Variants in ERI3 observed in about 807,000 individuals in gnomAD.
ERI3 encodes the protein ERI1 exoribonuclease 3.
Under a neutral mutation model 44.4 loss-of-function variants are expected in ERI3, and 18 were observed. That is an observed-to-expected ratio of 0.41 (90% CI 0.28 to 0.60). The LOEUF is 0.60. Ranked by LOEUF, ERI3 falls within the 20% of genes least tolerant of loss-of-function variation. The probability of loss-of-function intolerance (pLI) is 0.36; values close to 1 mark genes in which losing one functional copy is unlikely to be tolerated. For synonymous variants in ERI3, 183 were observed against 164.8 expected (o/e 1.11, Z -0.84); for missense variants, 294 against 435.5 (o/e 0.68, Z 2.89).
intron 5 of ERI3, among the ~76,000 whole-genome samples, chr1:44,310,292 G>C (rs956693731): frequency 2.0e-5 from 3 of 152,216 alleles, no homozygotes; most frequent in African/African-American, 7.2e-5. Context: ...GTGGAACATA[G>C]TAGAGGATAC....
At chr1:44,255,691 TCTC>T (rs1186991891) in intron 7 of ERI3, among the ~76,000 whole-genome samples, 1 of 152,114 alleles carries the variant, frequency 6.6e-6, no homozygotes, top group Non-Finnish European at 1.5e-5. Context: ...CATTTCAACA[TCTC>T]CTCTTCAAAC....
In ERI3 at chr1:44,343,938, A is replaced by T. The variant is rs946746641; in HGVS notation, c.212-4616T>A. Among the ~76,000 whole-genome samples, 44 of 152,174 alleles carry T rather than the reference A, an allele frequency of 2.9e-4. 1 individual carries two copies. The highest frequency in any genetic ancestry group is 2.1e-3 in the East Asian group (11 of 5,176). Reference sequence around the variant, plus strand: ...TTTGGGCTGTTTCAAACGTTTTTTTAAAATTGTTTTTTAAAATCAGCTGGG... The same window carrying T: ...TTTGGGCTGTTTCAAACGTTTTTTTTAAATTGTTTTTTAAAATCAGCTGGG... On this transcript the variant is annotated intron_variant, in intron 2 of 8. Transcript: ENST00000372257.
chr1:44,311,697 G>A (rs1304065186), intron 5 of ERI3, among the ~76,000 whole-genome samples: 1 of 152,060 alleles, frequency 6.6e-6, no homozygotes, highest in African/African-American at 2.4e-5. Flanking sequence ...TGCTGGCCCA[G>A]AGCAAGTATC....
chr1:44,313,107 G>T, intron 5 of ERI3, 62 bp downstream of exon 5: 1 of 1,375,014 alleles, frequency 7.3e-7, no homozygotes, highest in South Asian at 1.2e-5. Context: ...TCTCAGGAGG[G>T]GAGGGAGAGA....
chr1:44,309,901 A>C (rs1267861346), intron 5 of ERI3, among the ~76,000 whole-genome samples: 2 of 152,120 alleles, frequency 1.3e-5, no homozygotes, highest in Non-Finnish European at 1.5e-5. Context: ...ATAGTCATTA[A>C]AAATGCAGGA....
At chr1:44,270,413 C>T (rs551392442) in intron 7 of ERI3, among the ~76,000 whole-genome samples, 1 of 152,264 alleles carries the variant, frequency 6.6e-6, no homozygotes, top group South Asian at 2.1e-4. Flanking sequence ...ACAGACCAGC[C>T]CATACACAAT....
intron 2 of ERI3, among the ~76,000 whole-genome samples, chr1:44,340,487 T>C (rs1646631429): frequency 6.6e-6 from 1 of 152,200 alleles, no homozygotes; most frequent in African/African-American, 2.4e-5. Flanking sequence ...CCTGGCTCCC[T>C]TCACATAGGG....
At chr1:44,230,042 C>T (rs903518077) in intron 8 of ERI3, among the ~76,000 whole-genome samples, 1 of 152,152 alleles carries the variant, frequency 6.6e-6, no homozygotes, top group African/African-American at 2.4e-5. Flanking sequence ...TCTTATTACA[C>T]GCCTTGTTAG....
At chr1:44,327,229 A>G (rs1646334838) in intron 3 of ERI3, among the ~76,000 whole-genome samples, 1 of 152,232 alleles carries the variant, frequency 6.6e-6, no homozygotes, top group Non-Finnish European at 1.5e-5. Flanking sequence ...GGAAGGGCCT[A>G]GAAATGGAAG....
At chr1:44,244,402 C>G (rs1435807091) in intron 8 of ERI3, 1 of 152,844 alleles carries the variant, frequency 6.5e-6, no homozygotes, top group Non-Finnish European at 1.5e-5. Flanking sequence ...CCTTGGCCAT[C>G]CCTAAACCTG....
rs547446965 is a variant in ERI3 at position 44,352,339 on chromosome 1, A to G, written c.211+511T>C. 9.8e-5 allele frequency among the ~76,000 whole-genome samples: 15 copies of G among 152,344 alleles called. 2 individuals are homozygous for G. The highest frequency in any genetic ancestry group is 3.6e-4 in the African/African-American group (15 of 41,578). ...GTGGCACATGCCTGTAGCTCCAGCTACTTGTGGGCAGGAGATCACTTGAAC... is the reference window on the plus strand; with the variant it reads ...GTGGCACATGCCTGTAGCTCCAGCTGCTTGTGGGCAGGAGATCACTTGAAC... On this transcript the variant is annotated intron_variant, in intron 2 of 8. Coordinates refer to ENST00000372257, the MANE Select transcript of ERI3 (RefSeq NM_024066.3).
At chr1:44,310,946 GCACAT>G (rs965215487) in intron 5 of ERI3, among the ~76,000 whole-genome samples, 1 of 130,488 alleles carries the variant, frequency 7.7e-6, no homozygotes, top group South Asian at 2.4e-4. Flanking sequence ...GCATGTATGT[GCACAT>G]CGCGCGCGCG....
At chr1:44,261,226 G>A (rs761685461) in intron 7 of ERI3, among the ~76,000 whole-genome samples, 6 of 152,270 alleles carry the variant, frequency 3.9e-5, no homozygotes, top group Non-Finnish European at 8.8e-5. Context: ...TCAGGTAGGA[G>A]CGGGGTGGGC....
chr1:44,259,371 C>T (rs941089870), intron 7 of ERI3, among the ~76,000 whole-genome samples: 5 of 152,004 alleles, frequency 3.3e-5, no homozygotes, highest in South Asian at 2.1e-4. Flanking sequence ...ATCAAATCAA[C>T]GCCAGAGTCC....
intron 7 of ERI3, among the ~76,000 whole-genome samples, chr1:44,280,640 C>G (rs1016021589): frequency 1.3e-5 from 2 of 152,188 alleles, no homozygotes; most frequent in African/African-American, 4.8e-5. Flanking sequence ...CCAAAAATGC[C>G]AAACATAGCT....
chr1:44,352,369 G>A (rs111345126), intron 2 of ERI3, among the ~76,000 whole-genome samples: 2,741 of 152,208 alleles, frequency 0.018, 32 homozygotes, highest in African/African-American at 0.026. Context: ...TTGAACCCAG[G>A]AGTTCGAGCC....
intron 7 of ERI3, among the ~76,000 whole-genome samples, chr1:44,264,931 G>C (rs1374751682): frequency 6.6e-6 from 1 of 152,216 alleles, no homozygotes; most frequent in Non-Finnish European, 1.5e-5. Context: ...ACTGGTTCTA[G>C]AAATTCCTTT....
rs76672435 is a variant in ERI3 at position 44,342,515 on chromosome 1, G to A, written c.212-3193C>T. 6.2e-3 allele frequency among the ~76,000 whole-genome samples: 938 copies of A among 151,788 alleles called. 6 individuals are homozygous for A. The highest frequency in any genetic ancestry group is 0.021 in the African/African-American group (864 of 41,444). ...GAACTCATGGTTTCTGATTAGATGT[G>A]TATCAGATAGATAGATGGATACACA... On this transcript the variant is annotated intron_variant, in intron 2 of 8. Coordinates refer to ENST00000372257, the MANE Select transcript of ERI3 (RefSeq NM_024066.3).
intron 3 of ERI3, among the ~76,000 whole-genome samples, chr1:44,333,831 C>T (rs1356123048): frequency 6.6e-6 from 1 of 152,164 alleles, no homozygotes; most frequent in African/African-American, 2.4e-5. Context: ...ACATATCCTT[C>T]AAAAATAACA....
Sources: allele counts gnomAD v4.1 joint callset (sites outside exome capture counted in the v4.1 genomes callset), GRCh38; gene constraint gnomAD v4.1.1; transcripts MANE v1.5; gene names NCBI Gene and HGNC (gene_info 2026-07-23, HGNC 2026-07-21).